The following FRMD4B variants were observed in gnomAD, a reference collection of about 807,000 sequenced individuals.
FRMD4B encodes the protein FERM domain containing 4B.
Under a neutral mutation model 141.5 loss-of-function variants are expected in FRMD4B, and 74 were observed. The observed-to-expected ratio is 0.52, with a 90% CI of 0.43 to 0.63. The LOEUF (loss-of-function observed/expected upper bound fraction) is 0.63, where lower values mean the gene tolerates loss of function less well. Among genes scored for constraint, FRMD4B ranks in the 30% least tolerant of loss-of-function variants. The probability of loss-of-function intolerance (pLI) is 0.00; values close to 1 mark genes in which losing one functional copy is unlikely to be tolerated. For synonymous variants in FRMD4B, 506 were observed against 467.9 expected, an observed-to-expected ratio of 1.08 and a Z score of -1.05; for missense variants, 1,366 against 1,253.4, an observed-to-expected ratio of 1.09 and a Z score of -1.36.
At chr3:69,307,101 C>A (rs1017399370) in intron 3 of FRMD4B, among the ~76,000 whole-genome samples, 29 of 152,170 alleles carry the variant, frequency 1.9e-4, no homozygotes, top group African/African-American at 6.7e-4. Flanking sequence ...GACACCTCCC[C>A]AAACTGGTCA....
At chr3:69,371,638 T>C (rs1703827788) in intron 1 of FRMD4B, among the ~76,000 whole-genome samples, 2 of 152,140 alleles carry the variant, frequency 1.3e-5, no homozygotes, top group Non-Finnish European at 2.9e-5. Flanking sequence ...ATCATGGTGA[T>C]GAAGATGATA....
At chr3:69,336,997 T>C (rs1702579000) in intron 1 of FRMD4B, among the ~76,000 whole-genome samples, 1 of 152,082 alleles carries the variant, frequency 6.6e-6, no homozygotes, top group Admixed American at 6.6e-5. Flanking sequence ...AACCTAAATG[T>C]CCATTAATGG....
At chr3:69,529,372 T>C (rs1700981214) in intron 1 of FRMD4B, among the ~76,000 whole-genome samples, 2 of 152,204 alleles carry the variant, frequency 1.3e-5, no homozygotes, top group South Asian at 4.1e-4. Flanking sequence ...GCCATTAGTT[T>C]GCACCCACTA....
intron 1 of FRMD4B, among the ~76,000 whole-genome samples, chr3:69,457,984 AT>A (rs1705646304): frequency 6.6e-6 from 1 of 152,278 alleles, no homozygotes; most frequent in South Asian, 2.1e-4. Flanking sequence ...CCTGGTGCCC[AT>A]AGAAGCCATC....
At chr3:69,363,459 A>T (rs6775387) in intron 1 of FRMD4B, among the ~76,000 whole-genome samples, 1 of 147,492 alleles carries the variant, frequency 6.8e-6, no homozygotes, top group African/African-American at 2.5e-5. Context: ...GCACAATCTC[A>T]GCTCACTGCA....
At chr3:69,207,958 T>C (rs933127273) in intron 11 of FRMD4B, among the ~76,000 whole-genome samples, 2 of 152,114 alleles carry the variant, frequency 1.3e-5, no homozygotes, top group East Asian at 3.9e-4. Context: ...TGGCTCACTG[T>C]AACTTCCGCT....
intron 1 of FRMD4B, among the ~76,000 whole-genome samples, chr3:69,502,496 T>G (rs1706514993): frequency 6.6e-6 from 1 of 152,200 alleles, no homozygotes; most frequent in African/African-American, 2.4e-5. Context: ...AAGCTGAAAC[T>G]GGATCCCTTT....
intron 1 of FRMD4B, among the ~76,000 whole-genome samples, chr3:69,508,603 C>T (rs571127307): frequency 3.1e-4 from 47 of 152,294 alleles, no homozygotes; most frequent in African/African-American, 1.0e-3. Flanking sequence ...AATTGGTCAT[C>T]CACCTGCCCA....
chr3:69,265,264 AAAAAAATATATATATAT>A (rs1378636951), intron 5 of FRMD4B, among the ~76,000 whole-genome samples: 1 of 18,324 alleles, frequency 5.5e-5, no homozygotes, highest in African/African-American at 1.7e-4. Flanking sequence ...CAAAAAAAAA[AAAAAAATATATATATAT>A]ATATATATAT....
At chr3:69,463,799 T>C (rs568356147) in intron 1 of FRMD4B, among the ~76,000 whole-genome samples, 1 of 152,294 alleles carries the variant, frequency 6.6e-6, no homozygotes, top group Admixed American at 6.5e-5. Context: ...TGCATAAAGC[T>C]AAAGGGACAA....
At position 69,537,167 on chromosome 3, in the gene FRMD4B, C is replaced by T. The variant is rs566310250; in HGVS notation, c.-129+5039G>A. On this transcript the variant is annotated intron_variant, in intron 1 of 5. Transcript: ENST00000459638. ...TTATCGTCCAAACTGAAGGCATAGA[C>T]ATTAACCAGGATTGACCCAGGGAAG... 3.9e-5 allele frequency among the ~76,000 whole-genome samples: 6 copies of T among 152,302 alleles called. No individual in the cohort carries two copies. The East Asian group carries it at 1.2e-3, about 29-fold the overall frequency.
chr3:69,216,998 C>T (rs1458956986), intron 10 of FRMD4B, among the ~76,000 whole-genome samples: 1 of 150,534 alleles, frequency 6.6e-6, no homozygotes. Context: ...AAAAAAAAAG[C>T]TCTTTGCCTC....
chr3:69,466,478 CTGAAA>C (rs1705788314), intron 1 of FRMD4B, among the ~76,000 whole-genome samples: 1 of 152,052 alleles, frequency 6.6e-6, no homozygotes, highest in African/African-American at 2.4e-5. Context: ...AGGATACACA[CTGAAA>C]TATTTTCAGA....
chr3:69,475,526 C>G (rs369365155), intron 1 of FRMD4B, among the ~76,000 whole-genome samples: 1 of 152,130 alleles, frequency 6.6e-6, no homozygotes, highest in Admixed American at 6.5e-5. Flanking sequence ...TCCCTACAAA[C>G]GACATGAACT....
intron 11 of FRMD4B, among the ~76,000 whole-genome samples, chr3:69,199,977 G>A (rs1308261203): frequency 1.8e-5 from 1 of 55,642 alleles, no homozygotes; most frequent in Non-Finnish European, 3.6e-5. Flanking sequence ...CTTGATTAGG[G>A]AAATAACAGC....
intron 1 of FRMD4B, among the ~76,000 whole-genome samples, chr3:69,439,059 G>T (rs1705303868): frequency 2.1e-5 from 1 of 47,712 alleles, no homozygotes. Context: ...GCGTGTGTGT[G>T]TATGTGTGTG....
intron 1 of FRMD4B, among the ~76,000 whole-genome samples, chr3:69,540,312 T>A (rs927581151): frequency 1.3e-5 from 2 of 151,310 alleles, no homozygotes; most frequent in Non-Finnish European, 3.0e-5. Flanking sequence ...ATCATCTTTT[T>A]AAATTTATTA....
chr3:69,366,069 AC>A (rs1703639869), intron 1 of FRMD4B, among the ~76,000 whole-genome samples: 1 of 135,560 alleles, frequency 7.4e-6, no homozygotes, highest in Non-Finnish European at 1.6e-5. Context: ...AAACACACAC[AC>A]ACACACACAC....
chr3:69,428,708 T>C (rs1479695984), intron 2 of FRMD4B, among the ~76,000 whole-genome samples: 2 of 152,082 alleles, frequency 1.3e-5, no homozygotes, highest in African/African-American at 2.4e-5. Context: ...CAAAAATTCA[T>C]CATTTAAACC....
Sources: gnomAD v4.1 joint callset for allele counts (sites outside exome capture counted in the v4.1 genomes callset) on GRCh38, gnomAD v4.1.1 for gene constraint, MANE v1.5 for transcripts, NCBI Gene and HGNC (gene_info 2026-07-23, HGNC 2026-07-21) for gene names.